DCDC2C: variants seen among roughly 807,000 people sequenced by gnomAD.
DCDC2C encodes the protein doublecortin domain containing 2C, also known as doublecortin domain-containing protein 2C.
In DCDC2C, 44 loss-of-function variants were observed where a neutral mutation model predicts 45.0. The observed-to-expected ratio is 0.98, with a 90% CI of 0.77 to 1.26. DCDC2C has a LOEUF of 1.26. DCDC2C is among the 50% of genes most tolerant of loss of function. The pLI is 0.00. For synonymous variants in DCDC2C, 187 were observed against 178.8 expected (o/e 1.05, Z -0.37); for missense variants, 447 against 468.9 (o/e 0.95, Z 0.43).
At chr2:3,812,528 C>T (rs1424865764) in intron 10 of DCDC2C, among the ~76,000 whole-genome samples, 1 of 152,058 alleles carries the variant, frequency 6.6e-6, no homozygotes, top group East Asian at 1.9e-4. Context: ...TTTCAAAAAA[C>T]CGGCTCCTGG....
At chr2:3,719,078 G>A (rs1282305233) in intron 2 of DCDC2C, among the ~76,000 whole-genome samples, 1 of 151,890 alleles carries the variant, frequency 6.6e-6, no homozygotes, top group Non-Finnish European at 1.5e-5. Flanking sequence ...TGCAGGCTTG[G>A]TGCAGCTGTT....
intron 10 of DCDC2C, among the ~76,000 whole-genome samples, chr2:3,845,489 T>G (rs1406119644): frequency 1.3e-5 from 2 of 152,240 alleles, no homozygotes; most frequent in Non-Finnish European, 2.9e-5. Context: ...TATACAGTGT[T>G]GCACATGGAA....
At chr2:3,709,453 C>T (rs915437546) in intron 2 of DCDC2C, among the ~76,000 whole-genome samples, 2 of 152,236 alleles carry the variant, frequency 1.3e-5, no homozygotes, top group African/African-American at 2.4e-5. Flanking sequence ...ACGCCAGCAG[C>T]CCCAGCATTG....
chr2:3,838,677 T>C (rs1390816187), intron 10 of DCDC2C, among the ~76,000 whole-genome samples: 1 of 152,150 alleles, frequency 6.6e-6, no homozygotes, highest in Non-Finnish European at 1.5e-5. Context: ...CCCTACCCAC[T>C]TCCGTGGCTG....
At chr2:3,795,052 C>T (rs1253467830) in intron 10 of DCDC2C, among the ~76,000 whole-genome samples, 1 of 152,026 alleles carries the variant, frequency 6.6e-6, no homozygotes. Flanking sequence ...TTAATGATTG[C>T]CATTCTAACT....
chr2:3,847,242 T>A lies in DCDC2C; in HGVS notation c.*59T>A, dbSNP rs575163263. ...TTTCTTCAACCATGGGGCTTCCACG[T>A]CACATATGGACATTTTAACAGCAAG... On this transcript the variant is annotated 3_prime_UTR_variant, in exon 11 of 11. Coordinates refer to ENST00000399143, the MANE Select transcript of DCDC2C (RefSeq NM_001287444.2). 1 of 1,125,500 alleles carries A rather than the reference T, an allele frequency of 8.9e-7. No individual in the cohort carries two copies. The highest frequency in any genetic ancestry group is 1.6e-5 in the African/African-American group (1 of 62,328). The allele number at this position is 1,125,500 out of a possible 1,614,324, so 69.7% of individuals were successfully genotyped here.
intron 2 of DCDC2C, among the ~76,000 whole-genome samples, chr2:3,710,256 A>T (rs566719565): frequency 6.6e-6 from 1 of 152,302 alleles, no homozygotes; most frequent in Admixed American, 6.5e-5. Flanking sequence ...TTTGTTCCAC[A>T]GGTAAACATG....
chr2:3,705,176 G>C (rs1412490407), intron 1 of DCDC2C, among the ~76,000 whole-genome samples: 1 of 152,198 alleles, frequency 6.6e-6, no homozygotes, highest in Non-Finnish European at 1.5e-5. Context: ...TAGTATGAGG[G>C]CTGGTGTATG....
intron 10 of DCDC2C, among the ~76,000 whole-genome samples, chr2:3,837,622 A>ACACAGTATCAAGAGAGGCGAT (rs1558249632): frequency 8.0e-6 from 1 of 124,482 alleles, no homozygotes; most frequent in Non-Finnish European, 1.9e-5. Context: ...GAAACTGAGG[A>ACACAGTATCAAGAGAGGCGAT]AGAAATCAGC....
chr2:3,819,609 A>C (rs1479399997), intron 10 of DCDC2C, among the ~76,000 whole-genome samples: 2 of 152,232 alleles, frequency 1.3e-5, no homozygotes, highest in Non-Finnish European at 2.9e-5. Context: ...AACAAAATGC[A>C]TATTGAGAAT....
At chr2:3,772,368 T>C (rs866612803) in intron 8 of DCDC2C, among the ~76,000 whole-genome samples, 3 of 152,240 alleles carry the variant, frequency 2.0e-5, no homozygotes, top group Non-Finnish European at 4.4e-5. Context: ...TTGGCCCCTG[T>C]GGAGGGGCCT....
chr2:3,814,282 C>CCCTGAAGA (rs1165232110), intron 10 of DCDC2C, among the ~76,000 whole-genome samples: 1 of 152,122 alleles, frequency 6.6e-6, no homozygotes, highest in Non-Finnish European at 1.5e-5. Flanking sequence ...GGTCTTCAAA[C>CCCTGAAGA]CCTGATATCC....
Position 3,724,473 on chromosome 2 carries a change from CCCTCT to C in DCDC2C, c.340-2524_340-2520del, listed in dbSNP as rs557160644. Among the ~76,000 whole-genome samples, 239 of 152,254 alleles carry C rather than the reference CCCTCT, an allele frequency of 1.6e-3. 1 individual carries two copies. Among genetic ancestry groups the C allele is most frequent in the Non-Finnish European group, 2.7e-3 (181 of 68,016 alleles). On this transcript the variant is annotated intron_variant, in intron 2 of 10. Transcript: ENST00000399143. ...CAGAAGACCCAGAGTAACTCCTGTC[CCCTCT>C]CCTCTTTTAAAACACAGTTCTGTTA...
At chr2:3,817,699 A>G (rs957286018) in intron 10 of DCDC2C, among the ~76,000 whole-genome samples, 8 of 152,124 alleles carry the variant, frequency 5.3e-5, no homozygotes, top group Non-Finnish European at 1.0e-4. Flanking sequence ...AACAATTCCA[A>G]CCACACAGCC....
At chr2:3,743,991 A>T (rs1352779663) in intron 4 of DCDC2C, among the ~76,000 whole-genome samples, 1 of 151,942 alleles carries the variant, frequency 6.6e-6, no homozygotes, top group Non-Finnish European at 1.5e-5. Flanking sequence ...ATCTAAATGG[A>T]CTCTAAAAAT....
chr2:3,725,622 C>CTGCCAGGTGGATCCCAGAGGAAGACGAG (rs1668639311), intron 2 of DCDC2C, among the ~76,000 whole-genome samples: 3 of 124,170 alleles, frequency 2.4e-5, no homozygotes, highest in African/African-American at 6.2e-5. Context: ...AGGGAGACCG[C>CTGCCAGGTGGATCCCAGAGGAAGACGAG]CAGAGTGACG....
intron 10 of DCDC2C, among the ~76,000 whole-genome samples, chr2:3,829,174 G>A (rs570141721): frequency 3.9e-4 from 60 of 152,188 alleles, no homozygotes; most frequent in Non-Finnish European, 6.3e-4. Flanking sequence ...CAACGCAACC[G>A]CTTCACCGCT....
rs1015693120 is a variant in DCDC2C, at chr2:3,723,756, G to A, written c.340-3247G>A. On this transcript the variant is annotated intron_variant, in intron 2 of 10. Transcript: ENST00000399143. ...GGTGTGGCTTTGAAGTGGAGCTGAC[G>A]GATGCGCAGATGGCATAAAGGATGA... is the stretch of plus-strand genomic sequence containing the variant. 3.3e-5 allele frequency among the ~76,000 whole-genome samples: 5 copies of A among 152,282 alleles called. No individual in the cohort carries two copies. The South Asian group carries it at 6.2e-4, about 19-fold the overall frequency.
intron 2 of DCDC2C, among the ~76,000 whole-genome samples, chr2:3,725,433 C>CGG (rs1668620210): frequency 7.3e-5 from 5 of 68,954 alleles, no homozygotes; most frequent in African/African-American, 1.9e-4. Flanking sequence ...AGGTGGATCC[C>CGG]AGAGGAAGAC....
Sources: allele counts gnomAD v4.1 joint callset (sites outside exome capture counted in the v4.1 genomes callset), GRCh38; gene constraint gnomAD v4.1.1; transcripts MANE v1.5; gene names NCBI Gene and HGNC (gene_info 2026-07-23, HGNC 2026-07-21).